Variants in RABGAP1L observed in about 807,000 individuals in gnomAD.
RABGAP1L encodes the protein RAB GTPase activating protein 1 like.
In RABGAP1L, 63 loss-of-function variants were observed where a neutral mutation model predicts 137.7. The ratio of observed to expected loss-of-function variants is 0.46; its 90% confidence interval spans 0.37 to 0.56. RABGAP1L has a LOEUF of 0.56. Among genes scored for constraint, RABGAP1L ranks in the 20% least tolerant of loss-of-function variants. The pLI, the probability that RABGAP1L is intolerant of heterozygous loss-of-function variation, is 0.00. For synonymous variants in RABGAP1L, 431 were observed against 433.7 expected (o/e 0.99, Z 0.08); for missense variants, 1,095 against 1,244.0 (o/e 0.88, Z 1.80).
At chr1:174,849,590 T>C in intron 19 of RABGAP1L, 2 of 358,448 alleles carry the variant, frequency 5.6e-6, no homozygotes, top group East Asian at 7.3e-5. Context: ...AAACACATGG[T>C]AATTAACACA....
intron 13 of RABGAP1L, among the ~76,000 whole-genome samples, chr1:174,433,877 C>G (rs1558229897): frequency 6.6e-6 from 1 of 152,170 alleles, no homozygotes; most frequent in Non-Finnish European, 1.5e-5. Flanking sequence ...TGGCTTTACA[C>G]AGAACTCGAA....
chr1:174,200,782 C>A (rs941323322), intron 1 of RABGAP1L, among the ~76,000 whole-genome samples: 2 of 152,136 alleles, frequency 1.3e-5, no homozygotes, highest in Non-Finnish European at 2.9e-5. Context: ...TTGATACATA[C>A]AATTTTAGCT....
chr1:174,602,873 C>T (rs1670518895), intron 13 of RABGAP1L, among the ~76,000 whole-genome samples: 1 of 152,008 alleles, frequency 6.6e-6, no homozygotes, highest in Non-Finnish European at 1.5e-5. Context: ...GTTTGTTGTG[C>T]TTCTTCAAAA....
intron 19 of RABGAP1L, chr1:174,896,821 C>T (rs564789493): frequency 2.2e-4 from 33 of 152,258 alleles, no homozygotes; most frequent in East Asian, 1.9e-3. Flanking sequence ...GTACCAGTAC[C>T]GTGCTGTTTT....
chr1:174,300,052 T>G (rs763990260), intron 10 of RABGAP1L, among the ~76,000 whole-genome samples: 33 of 152,226 alleles, frequency 2.2e-4, no homozygotes, highest in Non-Finnish European at 4.4e-4. Context: ...CAGCATATAC[T>G]TAGACATTAG....
At chr1:174,639,559 G>A (rs866324079) in intron 14 of RABGAP1L, among the ~76,000 whole-genome samples, 5 of 152,022 alleles carry the variant, frequency 3.3e-5, no homozygotes, top group Middle Eastern at 6.8e-3. Context: ...TTTTCCCCTA[G>A]CATATAGTAT....
intron 10 of RABGAP1L, among the ~76,000 whole-genome samples, chr1:174,282,777 G>A (rs950399831): frequency 6.6e-6 from 1 of 152,108 alleles, no homozygotes; most frequent in African/African-American, 2.4e-5. Flanking sequence ...TAATTTGTAT[G>A]TATGGCATGA....
At chr1:174,716,165 A>G (rs531242784) in intron 17 of RABGAP1L, among the ~76,000 whole-genome samples, 1 of 152,244 alleles carries the variant, frequency 6.6e-6, no homozygotes, top group Admixed American at 6.5e-5. Flanking sequence ...AGATTTTTCC[A>G]TCTGCAGTTT....
At chr1:174,182,070 T>C (rs1666413613) in intron 1 of RABGAP1L, among the ~76,000 whole-genome samples, 1 of 152,218 alleles carries the variant, frequency 6.6e-6, no homozygotes, top group Admixed American at 6.5e-5. Context: ...GGATAAGTAA[T>C]ACAGATCATG....
chr1:174,942,136 A>G (rs1665989018), intron 19 of RABGAP1L, among the ~76,000 whole-genome samples: 1 of 152,224 alleles, frequency 6.6e-6, no homozygotes, highest in African/African-American at 2.4e-5. Flanking sequence ...GTAATTGTCC[A>G]TAACTACATG....
At chr1:174,234,773 C>G (rs1671006705) in intron 4 of RABGAP1L, among the ~76,000 whole-genome samples, 1 of 149,524 alleles carries the variant, frequency 6.7e-6, no homozygotes, top group African/African-American at 2.5e-5. Flanking sequence ...TCCATATGAA[C>G]TTTAAAGTGG....
chr1:174,795,322 G>A (rs72717612), intron 18 of RABGAP1L, among the ~76,000 whole-genome samples: 7,569 of 152,168 alleles, frequency 0.05, 280 homozygotes, highest in Non-Finnish European at 0.073. Flanking sequence ...TCTTGTGAAG[G>A]TGCCTCGCCA....
At chr1:174,259,817 G>A (rs1376388650) in intron 7 of RABGAP1L, among the ~76,000 whole-genome samples, 2 of 151,580 alleles carry the variant, frequency 1.3e-5, no homozygotes, top group African/African-American at 2.4e-5. Context: ...ATATGAGGAA[G>A]GTACTGTTAT....
At chr1:174,629,785 A>G (rs1482526568) in intron 13 of RABGAP1L, among the ~76,000 whole-genome samples, 1 of 152,176 alleles carries the variant, frequency 6.6e-6, no homozygotes, top group African/African-American at 2.4e-5. Context: ...CAGCCTCCCA[A>G]AGTGCTGGGA....
chr1:174,262,877 G>T (rs1034776008), intron 7 of RABGAP1L, among the ~76,000 whole-genome samples: 2 of 152,226 alleles, frequency 1.3e-5, no homozygotes, highest in Admixed American at 6.5e-5. Context: ...AGAGGGTGTT[G>T]CAGGGACACT....
chr1:174,507,678 A>G (rs1301468738), intron 13 of RABGAP1L, among the ~76,000 whole-genome samples: 1 of 152,170 alleles, frequency 6.6e-6, no homozygotes, highest in Admixed American at 6.5e-5. Flanking sequence ...TGGTGATGGT[A>G]ATAAACCAGA....
chr1:174,583,220 C>G (rs1212003587), intron 13 of RABGAP1L, among the ~76,000 whole-genome samples: 1 of 152,090 alleles, frequency 6.6e-6, no homozygotes, highest in Non-Finnish European at 1.5e-5. Context: ...GACATATTGA[C>G]CAAAATTACG....
intron 13 of RABGAP1L, among the ~76,000 whole-genome samples, chr1:174,470,877 G>C (rs1283342154): frequency 6.6e-6 from 1 of 152,130 alleles, no homozygotes; most frequent in African/African-American, 2.4e-5. Flanking sequence ...CTGGCATTTT[G>C]CCCTAGCCAA....
intron 12 of RABGAP1L, among the ~76,000 whole-genome samples, chr1:174,374,143 T>C (rs906144016): frequency 1.3e-5 from 2 of 152,226 alleles, no homozygotes; most frequent in African/African-American, 2.4e-5. Context: ...TGGTAGCGTA[T>C]GCATTGATAC....
Sources: allele counts gnomAD v4.1 joint callset (sites outside exome capture counted in the v4.1 genomes callset), GRCh38; gene constraint gnomAD v4.1.1; transcripts MANE v1.5; gene names NCBI Gene and HGNC (gene_info 2026-07-23, HGNC 2026-07-21).